The following ITPR2 variants were observed in gnomAD, a reference collection of about 807,000 sequenced individuals.
ITPR2 encodes inositol 1,4,5-trisphosphate-gated calcium channel ITPR2.
ITPR2 carries 207 observed loss-of-function variants against 317.1 expected under a neutral mutation model. That is an observed-to-expected ratio of 0.65 (90% CI 0.58 to 0.73). The LOEUF is 0.73. Ranked by LOEUF, ITPR2 falls within the 30% of genes least tolerant of loss-of-function variation. The probability of loss-of-function intolerance (pLI) is 0.00; values close to 1 mark genes in which losing one functional copy is unlikely to be tolerated. For missense variants in ITPR2, 2,613 were observed against 3,284.0 expected (o/e 0.80, Z 4.99); for synonymous variants, 1,156 against 1,149.1 (o/e 1.01, Z -0.12).
intron 55 of ITPR2, among the ~76,000 whole-genome samples, chr12:26,341,823 T>C (rs1166813163): frequency 6.6e-6 from 1 of 152,192 alleles, no homozygotes; most frequent in Admixed American, 6.5e-5. Context: ...CTGCACACTG[T>C]GTGTATCAAA....
At position 26,483,715 on chromosome 12, in the gene ITPR2, G is replaced by C; in HGVS notation, c.5995C>G (p.Pro1999Ala). ...LESLTEYCQG[P>A]CHENQTCIAT... ...CTGGTTACCTGATTTTCATGGCAAG[G>C]GCCCTGGCAATACTCAGTCAAGCTC... is the stretch of plus-strand genomic sequence containing the variant. Residue 1999 changes from proline to alanine, a missense_variant, in exon 42 of 57, where the codon CCT becomes GCT. Around this residue, in one of 9 missense-constraint regions of ITPR2, gnomAD observed 926 missense variants for 1,072.8 expected, o/e 0.86. Coordinates refer to ENST00000381340, the MANE Select transcript of ITPR2 (RefSeq NM_002223.4). 1 of 1,613,848 alleles carries C rather than the reference G, an allele frequency of 6.2e-7. No individual in the cohort carries two copies. The highest frequency in any genetic ancestry group is 8.5e-7 in the Non-Finnish European group (1 of 1,179,788).
chr12:26,796,937 T>G (rs537346632), intron 1 of ITPR2, among the ~76,000 whole-genome samples: 8 of 152,162 alleles, frequency 5.3e-5, no homozygotes, highest in Admixed American at 5.2e-4. Context: ...CTCGGGAGGC[T>G]GAGGCAGGGG....
chr12:26,791,005 C>T (rs1209086434), intron 1 of ITPR2, among the ~76,000 whole-genome samples: 1 of 152,246 alleles, frequency 6.6e-6, no homozygotes, highest in Non-Finnish European at 1.5e-5. Flanking sequence ...TGTGTCTTCA[C>T]ATATTCTCTG....
At chr12:26,424,618 C>T (rs68030383) in intron 49 of ITPR2, among the ~76,000 whole-genome samples, 27,620 of 111,070 alleles carry the variant, frequency 0.25, 3,971 homozygotes, top group Middle Eastern at 0.37. Context: ...GAGATGGAGT[C>T]TCGCTCTGTC....
chr12:26,509,763 TG>T (rs1365432858), intron 37 of ITPR2, among the ~76,000 whole-genome samples: 1 of 152,146 alleles, frequency 6.6e-6, no homozygotes, highest in Non-Finnish European at 1.5e-5. Flanking sequence ...TTGACCTGTG[TG>T]GGAAGGCGGT....
chr12:26,337,292 A>C lies in ITPR2; in HGVS notation c.*2105T>G, dbSNP rs1937948489. 1 of 152,212 alleles carries C rather than the reference A, an allele frequency of 6.6e-6. No individual in the cohort carries two copies. Among genetic ancestry groups the C allele is most frequent in the Non-Finnish European group, 1.5e-5 (1 of 68,024 alleles). 9.4% of individuals were successfully genotyped at this position (152,212 alleles called of 1,614,324 possible). On this transcript the variant is annotated 3_prime_UTR_variant, in exon 57 of 57. Coordinates refer to ENST00000381340, the MANE Select transcript of ITPR2 (RefSeq NM_002223.4). ...TCTGAAAGACAGGTTGCTCAGATGTATACAAATGAATTTATTCTCTTGACC... is the reference window on the plus strand; with the variant it reads ...TCTGAAAGACAGGTTGCTCAGATGTCTACAAATGAATTTATTCTCTTGACC...
At chr12:26,641,407 A>G (rs1032707437) in intron 21 of ITPR2, among the ~76,000 whole-genome samples, 5 of 152,012 alleles carry the variant, frequency 3.3e-5, no homozygotes, top group African/African-American at 1.2e-4. Flanking sequence ...AGAAAGCAAT[A>G]AAATAATAAT....
At chr12:26,790,254 T>C in intron 1 of ITPR2, 27 bp from the exon 2 acceptor site, 3 of 1,559,166 alleles carry the variant, frequency 1.9e-6, no homozygotes, top group Non-Finnish European at 2.7e-6. Flanking sequence ...GTTTACATTG[T>C]TAACATCCTT....
intron 38 of ITPR2, 99 bp from the exon 39 acceptor site, chr12:26,494,439 T>A: frequency 2.5e-6 from 2 of 792,496 alleles, no homozygotes; most frequent in Non-Finnish European, 3.6e-6. Flanking sequence ...ATAAAAATAT[T>A]AATCATTGAG....
intron 20 of ITPR2, among the ~76,000 whole-genome samples, chr12:26,654,540 C>T (rs1328264571): frequency 6.6e-6 from 1 of 152,184 alleles, no homozygotes; most frequent in Admixed American, 6.5e-5. Context: ...TCGCACAGGA[C>T]ATTCCAAGTG....
intron 29 of ITPR2, among the ~76,000 whole-genome samples, 191 bp from the exon 30 acceptor site, chr12:26,599,536 A>G (rs926421077): frequency 1.1e-4 from 16 of 152,204 alleles, no homozygotes; most frequent in Non-Finnish European, 1.6e-4. Context: ...TCACAGAGGA[A>G]TTTAGTTGGA....
At chr12:26,420,297 C>T (rs1334938939) in intron 49 of ITPR2, among the ~76,000 whole-genome samples, 1 of 152,094 alleles carries the variant, frequency 6.6e-6, no homozygotes, top group Non-Finnish European at 1.5e-5. Context: ...CTACTGGAAC[C>T]ATATTTGTCC....
At chr12:26,523,590 G>C (rs1209736989) in intron 37 of ITPR2, among the ~76,000 whole-genome samples, 2 of 151,640 alleles carry the variant, frequency 1.3e-5, no homozygotes, top group African/African-American at 4.9e-5. Context: ...ACTTGTGAAG[G>C]TTGGTACTCC....
intron 45 of ITPR2, among the ~76,000 whole-genome samples, chr12:26,458,960 T>C (rs570641912): frequency 6.6e-6 from 1 of 152,236 alleles, no homozygotes; most frequent in Non-Finnish European, 1.5e-5. Flanking sequence ...CCTTCCCCGA[T>C]GAGAACTACA....
chr12:26,822,749 C>G (rs777528816), intron 1 of ITPR2, among the ~76,000 whole-genome samples: 1 of 152,206 alleles, frequency 6.6e-6, no homozygotes, highest in Admixed American at 6.5e-5. Context: ...GTACTAGCCT[C>G]ATTATCTCAG....
chr12:26,626,304 C>T (rs965179145), intron 23 of ITPR2, among the ~76,000 whole-genome samples: 1 of 152,118 alleles, frequency 6.6e-6, no homozygotes, highest in Non-Finnish European at 1.5e-5. Flanking sequence ...CCACTTATTT[C>T]TCATCTCCAA....
intron 54 of ITPR2, among the ~76,000 whole-genome samples, chr12:26,388,050 C>T (rs1390135401): frequency 6.6e-6 from 1 of 152,144 alleles, no homozygotes; most frequent in East Asian, 1.9e-4. Flanking sequence ...TTCAAAACCA[C>T]TTGGAATCAG....
chr12:26,733,833 C>T (rs1949069217), intron 2 of ITPR2, among the ~76,000 whole-genome samples: 1 of 152,062 alleles, frequency 6.6e-6, no homozygotes, highest in African/African-American at 2.4e-5. Flanking sequence ...TCTCAATGTG[C>T]CATGTTAACA....
At position 26,621,170 on chromosome 12, in the gene ITPR2, C is replaced by T. The variant is rs1946484454; in HGVS notation, c.3415G>A (p.Gly1139Arg). Residue 1139 changes from glycine to arginine, a missense_variant, in exon 26 of 57, where the codon GGA becomes AGA. Around this residue, in one of 9 missense-constraint regions of ITPR2, gnomAD observed 817 missense variants for 897.6 expected, o/e 0.91. Coordinates refer to ENST00000381340, the MANE Select transcript of ITPR2 (RefSeq NM_002223.4). ...TTCACTTGACTTTCCCCTATTTCTC[C>T]ATTCTCATAGTTGCTGCTCTTCTCC... Reference protein sequence around the residue: ...WVEKSSNYENGEIGESQVKGG... With the variant: ...WVEKSSNYENREIGESQVKGG... 2 of 1,613,674 alleles carry T rather than the reference C, an allele frequency of 1.2e-6. No individual in the cohort carries two copies. The highest frequency in any genetic ancestry group is 8.5e-7 in the Non-Finnish European group (1 of 1,179,836).
Sources: gnomAD v4.1 joint callset for allele counts (sites outside exome capture counted in the v4.1 genomes callset) on GRCh38, gnomAD v4.1.1 for gene constraint, gnomAD v4.1.1 regional missense constraint, MANE v1.5 for transcripts, NCBI Gene and HGNC (gene_info 2026-07-23, HGNC 2026-07-21) for gene names.